MYLK: variants seen among roughly 807,000 people sequenced by gnomAD.
MYLK encodes the protein myosin light chain kinase, smooth muscle.
In MYLK, 106 loss-of-function variants were observed where a neutral mutation model predicts 203.4. The observed-to-expected ratio is 0.52, with a 90% CI of 0.45 to 0.61. The LOEUF (loss-of-function observed/expected upper bound fraction) is 0.61. MYLK is among the 20% of genes least tolerant of loss of function. The probability of loss-of-function intolerance (pLI) is 0.00; values close to 1 mark genes in which losing one functional copy is unlikely to be tolerated. For missense variants in MYLK, 2,072 were observed against 2,442.3 expected (o/e 0.85, Z 3.20); for synonymous variants, 867 against 959.5 (o/e 0.90, Z 1.78).
intron 2 of MYLK, among the ~76,000 whole-genome samples, chr3:123,870,283 C>G (rs1358131415): frequency 6.6e-6 from 1 of 152,210 alleles, no homozygotes; most frequent in Non-Finnish European, 1.5e-5. Context: ...AAAGATCAGC[C>G]TGGGGCCTGC....
chr3:123,652,305 A>G (rs989707573), intron 24 of MYLK, among the ~76,000 whole-genome samples: 1 of 152,198 alleles, frequency 6.6e-6, no homozygotes, highest in Non-Finnish European at 1.5e-5. Flanking sequence ...AAAAAAAAAA[A>G]AATCTGTTCA....
At chr3:123,761,121 G>T (rs2063520249) in intron 4 of MYLK, among the ~76,000 whole-genome samples, 1 of 152,230 alleles carries the variant, frequency 6.6e-6, no homozygotes, top group South Asian at 2.1e-4. Flanking sequence ...AGTAGGAATG[G>T]AGTGGAGGGC....
chr3:123,856,854 C>A (rs994826688), intron 2 of MYLK, among the ~76,000 whole-genome samples: 4 of 151,978 alleles, frequency 2.6e-5, no homozygotes, highest in Non-Finnish European at 5.9e-5. Flanking sequence ...TCAGAGTGAA[C>A]AAGCAACCTA....
At chr3:123,721,221 C>G (rs2062075864) in intron 13 of MYLK, among the ~76,000 whole-genome samples, 1 of 152,234 alleles carries the variant, frequency 6.6e-6, no homozygotes, top group African/African-American at 2.4e-5. Flanking sequence ...GGAGATGTTC[C>G]TGACAGGCCT....
At chr3:123,779,149 G>C (rs1419464144) in intron 4 of MYLK, among the ~76,000 whole-genome samples, 1 of 152,200 alleles carries the variant, frequency 6.6e-6, no homozygotes, top group Non-Finnish European at 1.5e-5. Context: ...TTTCGGGACT[G>C]AGCCACAGCA....
At chr3:123,859,027 T>G (rs2031664821) in intron 2 of MYLK, among the ~76,000 whole-genome samples, 1 of 152,202 alleles carries the variant, frequency 6.6e-6, no homozygotes, top group Admixed American at 6.5e-5. Context: ...AGTGATTAAA[T>G]GTGAATATAA....
chr3:123,651,258 G>A (rs1379257024), intron 24 of MYLK, among the ~76,000 whole-genome samples: 3 of 152,180 alleles, frequency 2.0e-5, no homozygotes, highest in Non-Finnish European at 4.4e-5. Context: ...TCTACCTCAC[G>A]TAGGAGGAAG....
intron 13 of MYLK, chr3:123,716,104 C>G (rs1377025251): frequency 6.6e-6 from 1 of 152,180 alleles, no homozygotes; most frequent in Admixed American, 6.5e-5. Context: ...AAGCACAGTG[C>G]CCCCATCTTT....
intron 3 of MYLK, among the ~76,000 whole-genome samples, chr3:123,819,354 G>C (rs1442517630): frequency 6.6e-6 from 1 of 152,146 alleles, no homozygotes; most frequent in Non-Finnish European, 1.5e-5. Context: ...GTGTGTGCAG[G>C]TATCACCTGG....
In MYLK at chr3:123,759,052, T is replaced by C. The variant is rs139608476; in HGVS notation, c.166-6514A>G. 1.1e-3 allele frequency among the ~76,000 whole-genome samples: 174 copies of C among 152,348 alleles called. 2 individuals carry two copies. Among genetic ancestry groups the C allele is most frequent in the African/African-American group, 4.0e-3 (166 of 41,584 alleles). ...GTTGCCCAGGCTGGTCTTGAACTTCTGGTCTCAAAAGATCTGCCTGCCTTG... is the reference window on the plus strand; with the variant it reads ...GTTGCCCAGGCTGGTCTTGAACTTCCGGTCTCAAAAGATCTGCCTGCCTTG... On this transcript the variant is annotated intron_variant, in intron 4 of 33. Transcript: ENST00000360304.
chr3:123,685,536 A>C (rs1221544791), intron 19 of MYLK, among the ~76,000 whole-genome samples: 1 of 150,732 alleles, frequency 6.6e-6, no homozygotes, highest in Non-Finnish European at 1.5e-5. Flanking sequence ...TGAGGCTGCA[A>C]TGATCGTGCC....
chr3:123,650,791 A>G (rs1304256511), intron 24 of MYLK, among the ~76,000 whole-genome samples: 1 of 152,204 alleles, frequency 6.6e-6, no homozygotes, highest in Admixed American at 6.5e-5. Flanking sequence ...CCTGAGAGCA[A>G]TGCAACTAGA....
chr3:123,715,230 A>G (rs1174622313), intron 13 of MYLK, among the ~76,000 whole-genome samples: 3 of 152,242 alleles, frequency 2.0e-5, no homozygotes, highest in Non-Finnish European at 4.4e-5. Flanking sequence ...AAGCAAAAGC[A>G]TCAAACAAAT....
At chr3:123,653,986 T>TTTTGTGTG (rs3222126) in intron 24 of MYLK, among the ~76,000 whole-genome samples, 5 of 137,650 alleles carry the variant, frequency 3.6e-5, no homozygotes, top group Non-Finnish European at 7.8e-5. Context: ...CAGAGGGATG[T>TTTTGTGTG]TGTGTGTGTG....
chr3:123,626,992 A>G, intron 30 of MYLK, 51 bp from the exon 31 acceptor site: 14 of 1,611,312 alleles, frequency 8.7e-6, no homozygotes, highest in Non-Finnish European at 1.2e-5. Flanking sequence ...GACCTCAGAG[A>G]CCACTGGTTA....
At chr3:123,676,169 T>C (rs894322521) in intron 20 of MYLK, among the ~76,000 whole-genome samples, 2 of 152,088 alleles carry the variant, frequency 1.3e-5, no homozygotes, top group African/African-American at 2.4e-5. Flanking sequence ...ACTGGGTGAG[T>C]TGGGAGGAGT....
chr3:123,800,629 G>A (rs969854488), intron 3 of MYLK, among the ~76,000 whole-genome samples: 9 of 152,160 alleles, frequency 5.9e-5, no homozygotes, highest in Admixed American at 2.0e-4. Flanking sequence ...GCAAGGTGAT[G>A]CCCTGTCCAG....
At chr3:123,653,729 G>A (rs370176886) in intron 24 of MYLK, among the ~76,000 whole-genome samples, 2 of 152,196 alleles carry the variant, frequency 1.3e-5, no homozygotes. Context: ...GACCCCTGGG[G>A]GCCACACCTT....
intron 12 of MYLK, among the ~76,000 whole-genome samples, chr3:123,725,424 G>T (rs1434759480): frequency 6.6e-6 from 1 of 152,186 alleles, no homozygotes. Context: ...GAGTTGGCGA[G>T]TCTCTATAGG....
Sources: gnomAD v4.1 joint callset for allele counts (sites outside exome capture counted in the v4.1 genomes callset) on GRCh38, gnomAD v4.1.1 for gene constraint, MANE v1.5 for transcripts, NCBI Gene and HGNC (gene_info 2026-07-23, HGNC 2026-07-21) for gene names.